The following RBAK variants were observed in gnomAD, a reference collection of about 807,000 sequenced individuals.
The protein encoded by RBAK is RB associated KRAB zinc finger, also known as RB-associated KRAB zinc finger protein.
RBAK carries 39 observed loss-of-function variants against 65.8 expected under a neutral mutation model. The observed-to-expected ratio is 0.59, with a 90% confidence interval of 0.46 to 0.77. The LOEUF is 0.77. Ranked by LOEUF, RBAK falls within the 30% of genes least tolerant of loss-of-function variation. The pLI is 0.00. For synonymous variants in RBAK, 343 were observed against 289.7 expected (o/e 1.18, Z -1.87); for missense variants, 884 against 855.1 (o/e 1.03, Z -0.42).
chr7:5,064,230 G>T lies in RBAK; in HGVS notation c.774G>T (p.Met258Ile). The T allele has an allele frequency of 1.2e-6, 2 of 1,614,054 alleles. No individual in the cohort carries two copies. ...FNAYQRSQME[M>I]KPFECSECGK... ...CATATCAGAGATCACAAATGGAAATGAAGCCCTTTGAATGCAGTGAATGTG... is the reference window on the plus strand; with the variant it reads ...CATATCAGAGATCACAAATGGAAATTAAGCCCTTTGAATGCAGTGAATGTG... The change falls in exon 5 of 5, where the codon ATG (methionine) becomes ATT (isoleucine). Residue 258 changes from methionine to isoleucine, a missense_variant. Transcript: ENST00000396912. The surrounding 1 kb of genome is among the most constrained non-coding windows in gnomAD (Gnocchi z 6.3).
rs1333531972 is a variant in RBAK at position 5,057,666 on chromosome 7, T to C, written c.143-18T>C. The C allele has an allele frequency of 6.2e-7, 1 of 1,613,720 alleles. No individual in the cohort carries two copies. Among genetic ancestry groups the C allele is most frequent in the South Asian group, 1.1e-5 (1 of 91,018 alleles). On this transcript the variant is annotated intron_variant, in intron 3 of 4. Transcript: ENST00000396912. ...GCCAAGCAGCTTCCCCAAGTCCTCC[T>C]TCTTTTCCCATTAACAGGATATGAT...
intron 1 of RBAK, 104 bp from the exon 2 acceptor site, chr7:5,047,929 G>A: frequency 1.8e-6 from 1 of 564,892 alleles, no homozygotes; most frequent in Non-Finnish European, 3.1e-6. Context: ...GTGTTCACAG[G>A]GTGTTAGCCT....
chr7:5,064,877 G>A lies in RBAK; in HGVS notation c.1421G>A (p.Arg474Lys). ...KTFNLNSAFI[R>K]HRKVHTEEKS... ...TTCAATTTAAATTCAGCCTTCATTA[G>A]ACATCGGAAAGTACACACAGAAGAG... Residue 474 changes from arginine (R) to lysine (K), a missense_variant, in exon 5 of 5, where the codon AGA (arginine) becomes AAA (lysine). Arg to Lys is a conservative substitution (Grantham distance 26, BLOSUM62 2). Coordinates refer to ENST00000396912, the MANE Select transcript of RBAK (RefSeq NM_021163.4). The surrounding 1 kb of genome is among the most constrained non-coding windows in gnomAD (Gnocchi z 6.3). 6.2e-7 allele frequency: 1 copy of A among 1,613,846 alleles called. No individual in the cohort carries two copies. Among genetic ancestry groups the A allele is most frequent in the Non-Finnish European group, 8.5e-7 (1 of 1,179,878 alleles).
chr7:5,054,427 T>C (rs1788180659), intron 2 of RBAK, among the ~76,000 whole-genome samples: 1 of 151,414 alleles, frequency 6.6e-6, no homozygotes. Flanking sequence ...AAAAAACCAT[T>C]GCTTCATATA....
Position 5,048,114 on chromosome 7 carries a change from A to G in RBAK, c.15+23A>G, listed in dbSNP as rs775667006. 9 of 1,582,356 alleles carry G rather than the reference A, an allele frequency of 5.7e-6. No individual in the cohort carries two copies. The Admixed American group carries it at 7.5e-5, about 13-fold the overall frequency. ...CAGGTGAGTTTTCATGCTTGTGTAT[A>G]TGTTCCTCAACTTTATTTTATGATG... On this transcript the variant is annotated intron_variant, in intron 2 of 4. Coordinates refer to ENST00000396912, the MANE Select transcript of RBAK (RefSeq NM_021163.4). The surrounding 1 kb of genome is among the most constrained non-coding windows in gnomAD (Gnocchi z 4.4).
intron 2 of RBAK, among the ~76,000 whole-genome samples, chr7:5,053,629 A>G (rs1290890862): frequency 5.3e-5 from 8 of 152,130 alleles, no homozygotes; most frequent in African/African-American, 1.7e-4. Flanking sequence ...TTCCCACAAC[A>G]CACTGTTGCT....
At chr7:5,053,746 A>G (rs1177365709) in intron 2 of RBAK, among the ~76,000 whole-genome samples, 1 of 152,138 alleles carries the variant, frequency 6.6e-6, no homozygotes, top group South Asian at 2.1e-4. Context: ...AATCTTGTCC[A>G]GTATAATTTT....
rs1031991318 is a variant in RBAK, at chr7:5,066,337, G to A, written c.*736G>A. ...TTTTAACAAATGCCTCATTAGTACA[G>A]GAGGCAGTCGTTTTGTAAAGTTTTC... is the stretch of plus-strand genomic sequence containing the variant. On this transcript the variant is annotated 3_prime_UTR_variant, in exon 5 of 5. Coordinates refer to ENST00000396912, the MANE Select transcript of RBAK (RefSeq NM_021163.4). The A allele has an allele frequency of 2.0e-5, 3 of 152,258 alleles. No homozygotes were observed. Among genetic ancestry groups the A allele is most frequent in the Admixed American group, 2.0e-4 (3 of 15,264 alleles). 9.4% of individuals were successfully genotyped at this position (152,258 alleles called of 1,614,324 possible).
chr7:5,054,974 G>A (rs1788194295), intron 2 of RBAK, among the ~76,000 whole-genome samples: 1 of 151,504 alleles, frequency 6.6e-6, no homozygotes, highest in African/African-American at 2.4e-5. Context: ...AGAGATGGGG[G>A]TTTCACCATG....
chr7:5,055,389 A>G (rs1239395306), intron 2 of RBAK, among the ~76,000 whole-genome samples: 1 of 152,068 alleles, frequency 6.6e-6, no homozygotes, highest in Non-Finnish European at 1.5e-5. Flanking sequence ...TGCAATATTT[A>G]TATTTGTGTA....
chr7:5,069,043 G>A lies in RBAK; in HGVS notation c.*3442G>A, dbSNP rs1446957321. ...GGCTGAAAGGGGGCATTTATCTGGT[G>A]CTGGGAATAATCTGTTTCTAAACCT... is the stretch of plus-strand genomic sequence containing the variant. On this transcript the variant is annotated 3_prime_UTR_variant, in exon 5 of 5. Transcript: ENST00000396912. 6.6e-6 allele frequency: 1 copy of A among 152,190 alleles called. No homozygotes were observed. Among genetic ancestry groups the A allele is most frequent in the Non-Finnish European group, 1.5e-5 (1 of 68,040 alleles). 9.4% of individuals were successfully genotyped at this position (152,190 alleles called of 1,614,324 possible). A position where few individuals can be genotyped will look rare whatever the true frequency, so the allele number is the denominator to read the frequency against.
Position 5,057,979 on chromosome 7 carries a change from C to T in RBAK, c.238+200C>T, listed in dbSNP as rs535906958. On this transcript the variant is annotated intron_variant, in intron 4 of 4. Transcript: ENST00000396912. ...TTGGTAGGGATTTTTTCATTCTAAC[C>T]GGTACTGGAGACCCATTCACTTCCT... Among the ~76,000 whole-genome samples, 73 of 152,206 alleles carry T rather than the reference C, an allele frequency of 4.8e-4. 1 individual carries two copies. The highest frequency in any genetic ancestry group is 3.4e-3 in the Middle Eastern group (1 of 294).
intron 4 of RBAK, among the ~76,000 whole-genome samples, chr7:5,058,001 TC>T (rs761217589): frequency 4.9e-4 from 75 of 152,304 alleles, no homozygotes; most frequent in South Asian, 2.1e-3. Flanking sequence ...CCCATTCACT[TC>T]CTCTTTCTCC....
rs1779275970 is a variant in RBAK at position 5,068,513 on chromosome 7, CAT to C, written c.*2913_*2914del. On this transcript the variant is annotated 3_prime_UTR_variant, in exon 5 of 5. Transcript: ENST00000396912. ...TAATCAGGGAAATGCAAACTTAAAA[CAT>C]GTAGCACTGCTACCCATCCATGGAA... The C allele has an allele frequency of 6.6e-6, 1 of 152,194 alleles. No homozygotes were observed. Among genetic ancestry groups the C allele is most frequent in the Non-Finnish European group, 1.5e-5 (1 of 68,040 alleles). The allele number at this position is 152,194 out of a possible 1,614,324, so 9.4% of individuals were successfully genotyped here.
At chr7:5,054,726 C>T (rs1225033482) in intron 2 of RBAK, among the ~76,000 whole-genome samples, 1 of 152,156 alleles carries the variant, frequency 6.6e-6, no homozygotes, top group Admixed American at 6.5e-5. Context: ...AGCCACTGCA[C>T]CTGGCCTGGA....
intron 4 of RBAK, among the ~76,000 whole-genome samples, chr7:5,059,341 A>G (rs1020343750): frequency 6.6e-6 from 1 of 151,250 alleles, no homozygotes; most frequent in African/African-American, 2.4e-5. Context: ...CCATTTTGAG[A>G]CAGAGTCTCA....
At position 5,068,687 on chromosome 7, in the gene RBAK, C is replaced by G. The variant is rs759073736; in HGVS notation, c.*3086C>G. On this transcript the variant is annotated 3_prime_UTR_variant, in exon 5 of 5. Coordinates refer to ENST00000396912, the MANE Select transcript of RBAK (RefSeq NM_021163.4). ...CCAAGCATATGTATACTGTTTTACCCAAACCCAGCAAAAATGCATGTGTCT... is the reference window on the plus strand; with the variant it reads ...CCAAGCATATGTATACTGTTTTACCGAAACCCAGCAAAAATGCATGTGTCT... 6.6e-6 allele frequency: 1 copy of G among 152,164 alleles called. No individual in the cohort carries two copies. The highest frequency in any genetic ancestry group is 1.5e-5 in the Non-Finnish European group (1 of 68,034). 9.4% of individuals were successfully genotyped at this position (152,164 alleles called of 1,614,324 possible). A position where few individuals can be genotyped will look rare whatever the true frequency, so the allele number is the denominator to read the frequency against.
At position 5,066,328 on chromosome 7, in the gene RBAK, A is replaced by G. The variant is rs1317259309; in HGVS notation, c.*727A>G. 1.3e-5 allele frequency: 2 copies of G among 152,410 alleles called. No individual in the cohort carries two copies. Among genetic ancestry groups the G allele is most frequent in the African/African-American group, 4.8e-5 (2 of 41,456 alleles). The allele number at this position is 152,410 out of a possible 1,614,324, so 9.4% of individuals were successfully genotyped here. ...CAAATGGGTTTTTAACAAATGCCTCATTAGTACAGGAGGCAGTCGTTTTGT... is the reference window on the plus strand; with the variant it reads ...CAAATGGGTTTTTAACAAATGCCTCGTTAGTACAGGAGGCAGTCGTTTTGT... On this transcript the variant is annotated 3_prime_UTR_variant, in exon 5 of 5. Coordinates refer to ENST00000396912, the MANE Select transcript of RBAK (RefSeq NM_021163.4).
In RBAK at chr7:5,063,846, A is replaced by T; in HGVS notation, c.390A>T (p.Ser130=). Residue 130 remains serine, a synonymous_variant, in exon 5 of 5, where the codon TCA becomes TCT. Transcript: ENST00000396912. ...ACATGGAAACAAGCCTTGTTCCTTCAAGCATAATAGCTCATAATTGTGTCT... is the reference window on the plus strand; with the variant it reads ...ACATGGAAACAAGCCTTGTTCCTTCTAGCATAATAGCTCATAATTGTGTCT... ...QIYMETSLVP[S]SIIAHNCVSC... 5 of 1,614,112 alleles carry T rather than the reference A, an allele frequency of 3.1e-6. No homozygotes were observed. Among genetic ancestry groups the T allele is most frequent in the Non-Finnish European group, 4.2e-6 (5 of 1,179,996 alleles).
Sources: allele counts gnomAD v4.1 joint callset (sites outside exome capture counted in the v4.1 genomes callset), GRCh38; gene constraint gnomAD v4.1.1; non-coding constraint Gnocchi (gnomAD v3.1); transcripts MANE v1.5; gene names NCBI Gene and HGNC (gene_info 2026-07-23, HGNC 2026-07-21).